Variants in NEMP2 observed in about 807,000 individuals in gnomAD.
The protein encoded by NEMP2 is nuclear envelope integral membrane protein 2.
Under a neutral mutation model 54.2 loss-of-function variants are expected in NEMP2, and 53 were observed. The ratio of observed to expected loss-of-function variants is 0.98; its 90% CI spans 0.78 to 1.23. The LOEUF (loss-of-function observed/expected upper bound fraction) is 1.23. Among genes scored for constraint, NEMP2 ranks in the 50% most tolerant of loss-of-function variants. The pLI is 0.00. For synonymous variants in NEMP2, 197 were observed against 190.3 expected (o/e 1.04, Z -0.29); for missense variants, 455 against 511.3 (o/e 0.89, Z 1.06).
Position 190,516,958 on chromosome 2 carries a change from G to A in NEMP2, c.612+562C>T, listed in dbSNP as rs1484391379. Among the ~76,000 whole-genome samples, 3 of 152,146 alleles carry A rather than the reference G, an allele frequency of 2.0e-5. No homozygotes were observed. The East Asian group carries it at 5.8e-4, about 29-fold the overall frequency. On this transcript the variant is annotated intron_variant, in intron 5 of 8. Coordinates refer to ENST00000409150, the MANE Select transcript of NEMP2 (RefSeq NM_001142645.2). The stretch of plus-strand genomic sequence containing the variant: ...ATACAAAAATTAGCTGGGCATGGTG[G>A]TGTGTGCCTGTAGTCCCAGCTACTG...
At chr2:190,549,797 C>T in the NEMP2 span, among the ~76,000 whole-genome samples, 4 of 151,930 alleles carry the variant, frequency 2.6e-5, no homozygotes, top group East Asian at 1.9e-4. Flanking sequence ...ACATGGAATC[C>T]GTCATGTCTC....
chr2:190,643,173 T>C, the NEMP2 span, among the ~76,000 whole-genome samples: 145 of 152,218 alleles, frequency 9.5e-4, no homozygotes, highest in African/African-American at 3.3e-3. Flanking sequence ...GTATAACACA[T>C]AGTTGCTCCT....
chr2:190,622,805 A>G, the NEMP2 span, among the ~76,000 whole-genome samples: 1 of 152,204 alleles, frequency 6.6e-6, no homozygotes, highest in Admixed American at 6.5e-5. Flanking sequence ...ATGGCCAAAG[A>G]ATTTTATTCA....
chr2:190,515,166 T>G lies in NEMP2; in HGVS notation c.728-488A>C, dbSNP rs566320002. Among the ~76,000 whole-genome samples the G allele has an allele frequency of 2.6e-5, 4 of 152,342 alleles. No individual in the cohort carries two copies. In the East Asian group the frequency reaches 5.8e-4, roughly 22 times the overall value. ...TCTCTGGGTATGATCCAAGGTGAAG[T>G]GCCCATCACCTCTTAGGTATTCTAT... On this transcript the variant is annotated intron_variant, in intron 6 of 8. Coordinates refer to ENST00000409150, the MANE Select transcript of NEMP2 (RefSeq NM_001142645.2).
At chr2:190,572,489 G>C in the NEMP2 span, among the ~76,000 whole-genome samples, 1 of 152,040 alleles carries the variant, frequency 6.6e-6, no homozygotes, top group Non-Finnish European at 1.5e-5. Flanking sequence ...TTCAAGGGAG[G>C]CTGGAAAATG....
the NEMP2 span, among the ~76,000 whole-genome samples, chr2:190,589,472 A>C: frequency 4.6e-5 from 7 of 152,170 alleles, no homozygotes; most frequent in Non-Finnish European, 8.8e-5. This position sits in a 1 kb window ranked among gnomAD's most constrained non-coding sequence, Gnocchi z 4.3. Context: ...AACCAGCATG[A>C]CTTCAGTAGC....
chr2:190,534,949 G>T (rs1691320491), upstream of NEMP2: 3 of 283,392 alleles, frequency 1.1e-5, no homozygotes, highest in Non-Finnish European at 6.6e-6. Context: ...GGCCTCCAGC[G>T]CACGCGGGGC....
the NEMP2 span, among the ~76,000 whole-genome samples, chr2:190,465,470 G>C: frequency 1.3e-5 from 2 of 151,728 alleles, no homozygotes; most frequent in African/African-American, 4.8e-5. The surrounding 1 kb of genome is among the most constrained non-coding windows in gnomAD (Gnocchi z 4.6). Flanking sequence ...GTGCCCATAA[G>C]ATTACTGATT....
the NEMP2 span, among the ~76,000 whole-genome samples, chr2:190,628,941 C>A: frequency 6.6e-6 from 1 of 152,284 alleles, no homozygotes; most frequent in African/African-American, 2.4e-5. The surrounding 1 kb of genome is among the most constrained non-coding windows in gnomAD (Gnocchi z 4.1). Context: ...CCACAAAGCA[C>A]AATCATAATT....
chr2:190,436,228 G>A, the NEMP2 span: 16 of 1,613,884 alleles, frequency 9.9e-6, no homozygotes, highest in African/African-American at 1.5e-4. This position sits in a 1 kb window ranked among gnomAD's most constrained non-coding sequence, Gnocchi z 5.3. Context: ...GATAAACAAC[G>A]ATCTTCTAAT....
chr2:190,432,266 C>G, the NEMP2 span, among the ~76,000 whole-genome samples: 2 of 152,164 alleles, frequency 1.3e-5, no homozygotes, highest in Admixed American at 1.3e-4. Flanking sequence ...TCTTGCCAGC[C>G]TCTGGGAACC....
chr2:190,556,321 A>T, the NEMP2 span, among the ~76,000 whole-genome samples: 1 of 152,246 alleles, frequency 6.6e-6, no homozygotes. Context: ...CATTGATGGA[A>T]CGTATCTCAA....
chr2:190,484,104 T>C, the NEMP2 span, among the ~76,000 whole-genome samples: 2 of 152,158 alleles, frequency 1.3e-5, no homozygotes, highest in African/African-American at 2.4e-5. Context: ...GCACCTGTTA[T>C]GTGAGTTGGT....
Position 190,522,133 on chromosome 2 carries a change from C to T in NEMP2, c.214-2950G>A, listed in dbSNP as rs1183296370. Among the ~76,000 whole-genome samples, 1 of 152,068 alleles carries T rather than the reference C, an allele frequency of 6.6e-6. No homozygotes were observed. The highest frequency in any genetic ancestry group is 1.5e-5 in the Non-Finnish European group (1 of 68,020). ...AAAATACCTTTGTATAGAGTTTTAA[C>T]TTTTAAGCCATATTAATGTTGTAGA... On this transcript the variant is annotated intron_variant, in intron 2 of 8. Transcript: ENST00000409150. The surrounding 1 kb of genome is among the most constrained non-coding windows in gnomAD (Gnocchi z 5.0).
the NEMP2 span, among the ~76,000 whole-genome samples, chr2:190,647,160 T>C: frequency 1.3e-5 from 2 of 152,332 alleles, no homozygotes; most frequent in East Asian, 3.9e-4. Flanking sequence ...ATTTCTGCAG[T>C]TAAAGAATTT....
chr2:190,457,462 A>G, the NEMP2 span, among the ~76,000 whole-genome samples: 3 of 152,206 alleles, frequency 2.0e-5, no homozygotes, highest in Admixed American at 1.3e-4. The surrounding 1 kb of genome is among the most constrained non-coding windows in gnomAD (Gnocchi z 5.1). Context: ...CAAGTCAAAA[A>G]TGTGCACAAA....
At chr2:190,428,851 T>TTTTAG in the NEMP2 span, among the ~76,000 whole-genome samples, 1 of 152,034 alleles carries the variant, frequency 6.6e-6, no homozygotes, top group Admixed American at 6.6e-5. Context: ...TTTTTTAGTT[T>TTTTAG]TAATAGAGAT....
chr2:190,570,891 A>T, the NEMP2 span, among the ~76,000 whole-genome samples: 2 of 152,266 alleles, frequency 1.3e-5, no homozygotes, highest in Non-Finnish European at 1.5e-5. The surrounding 1 kb of genome is among the most constrained non-coding windows in gnomAD (Gnocchi z 5.4). Flanking sequence ...TCTGTCCATT[A>T]GTCATTTTAT....
At chr2:190,574,317 A>G in the NEMP2 span, among the ~76,000 whole-genome samples, 1 of 152,204 alleles carries the variant, frequency 6.6e-6, no homozygotes, top group African/African-American at 2.4e-5. Context: ...TGGCTTGAAT[A>G]TGCCTGAAAG....
Sources: gnomAD v4.1 joint callset for allele counts (sites outside exome capture counted in the v4.1 genomes callset) on GRCh38, gnomAD v4.1.1 for gene constraint, Gnocchi (gnomAD v3.1) non-coding constraint, MANE v1.5 for transcripts, NCBI Gene and HGNC (gene_info 2026-07-23, HGNC 2026-07-21) for gene names.